SLCO1B3: variants seen among roughly 807,000 people sequenced by gnomAD.
SLCO1B3 encodes the protein liver-specific organic anion transporter 2.
Under a neutral mutation model 71.8 loss-of-function variants are expected in SLCO1B3, and 72 were observed. That is an observed-to-expected ratio of 1.00 (90% CI 0.83 to 1.22). The LOEUF (loss-of-function observed/expected upper bound fraction) is 1.22. Ranked by LOEUF, SLCO1B3 falls within the 50% of genes most tolerant of loss-of-function variation. The pLI is 0.00. For synonymous variants in SLCO1B3, 298 were observed against 278.4 expected (o/e 1.07, Z -0.70); for missense variants, 911 against 819.7 (o/e 1.11, Z -1.36).
At chr12:20,845,705 G>A (rs1864903071) in intron 3 of SLCO1B3, among the ~76,000 whole-genome samples, 1 of 152,152 alleles carries the variant, frequency 6.6e-6, no homozygotes, top group Non-Finnish European at 1.5e-5. Context: ...CAGTTCTTGG[G>A]TAGAATGTTC....
intron 3 of SLCO1B3, among the ~76,000 whole-genome samples, chr12:20,817,377 T>A (rs1430237401): frequency 6.6e-6 from 1 of 152,130 alleles, no homozygotes; most frequent in Admixed American, 6.5e-5. Context: ...TTTGATTTGT[T>A]TTTGTATATG....
At chr12:20,829,116 A>G (rs1864486958) in intron 3 of SLCO1B3, among the ~76,000 whole-genome samples, 1 of 152,202 alleles carries the variant, frequency 6.6e-6, no homozygotes, top group Non-Finnish European at 1.5e-5. Context: ...AACGGGAAAA[A>G]GACTGAAACA....
intron 13 of SLCO1B3, among the ~76,000 whole-genome samples, chr12:20,896,534 A>G (rs1253543054): frequency 1.3e-5 from 2 of 152,174 alleles, no homozygotes; most frequent in Admixed American, 6.5e-5. Context: ...CAAGTTCCTT[A>G]TCTCCATCTG....
rs76658007 is a variant in SLCO1B3, at chr12:20,848,463, T to C, written c.85-6565T>C. On this transcript the variant is annotated intron_variant, in intron 3 of 15. Transcript: ENST00000381545. ...ATCTAAAGACAGGCTTACTGTACAA[T>C]CCTGCAGTCATAGACCTTAGTATTT... 5.1e-4 allele frequency among the ~76,000 whole-genome samples: 78 copies of C among 152,282 alleles called. 1 individual carries two copies. The East Asian group carries it at 0.013, about 25-fold the overall frequency.
In SLCO1B3 at chr12:20,859,491, C is replaced by CCCAG. The variant is rs1865210531; in HGVS notation, c.359+922_359+923insAGCC. On this transcript the variant is annotated intron_variant, in intron 5 of 15. Coordinates refer to ENST00000381545, the MANE Select transcript of SLCO1B3 (RefSeq NM_019844.4). ...GTCACCATATGAATTCTGTTTTTTT[C>CCCAG]CCCCTCTACATTTGGCCCTTATAAG... 2.2e-5 allele frequency among the ~76,000 whole-genome samples: 3 copies of CCCAG among 137,780 alleles called. 1 individual carries two copies. In the South Asian group the frequency reaches 8.7e-4, roughly 40 times the overall value. The allele number at this position is 137,780 out of a possible 152,430, so 90.4% of individuals were successfully genotyped here.
At chr12:20,852,449 A>G (rs770768361) in intron 3 of SLCO1B3, among the ~76,000 whole-genome samples, 7 of 152,236 alleles carry the variant, frequency 4.6e-5, no homozygotes, top group Non-Finnish European at 7.3e-5. Context: ...ATTGTACTCC[A>G]GACTGGGCAA....
At chr12:20,863,194 G>C (rs972218262) in intron 8 of SLCO1B3, among the ~76,000 whole-genome samples, 8 of 152,082 alleles carry the variant, frequency 5.3e-5, no homozygotes, top group Admixed American at 3.3e-4. Flanking sequence ...TTGATGTGTA[G>C]AACTCAGATG....
At chr12:20,814,030 G>A (rs1157734755) in intron 2 of SLCO1B3, among the ~76,000 whole-genome samples, 1 of 151,932 alleles carries the variant, frequency 6.6e-6, no homozygotes, top group Non-Finnish European at 1.5e-5. Flanking sequence ...GTATCTATAT[G>A]AGCAGCTACA....
chr12:20,838,089 C>CT (rs540398027), intron 3 of SLCO1B3, among the ~76,000 whole-genome samples: 17 of 149,468 alleles, frequency 1.1e-4, no homozygotes, highest in South Asian at 4.3e-4. Context: ...CCCCTCCCAC[C>CT]TTTTTTTTTA....
chr12:20,820,188 G>A (rs1048515435), intron 3 of SLCO1B3, among the ~76,000 whole-genome samples: 1 of 152,068 alleles, frequency 6.6e-6, no homozygotes, highest in African/African-American at 2.4e-5. Context: ...GAAGGGGACG[G>A]ACTTACCCTC....
intron 8 of SLCO1B3, among the ~76,000 whole-genome samples, 182 bp from the exon 9 acceptor site, chr12:20,875,053 T>A (rs964438176): frequency 6.6e-6 from 1 of 152,186 alleles, no homozygotes; most frequent in Non-Finnish European, 1.5e-5. Context: ...TTGCAAGATG[T>A]CATCAACCTA....
chr12:20,899,696 C>G (rs1225101264), intron 14 of SLCO1B3, among the ~76,000 whole-genome samples: 2 of 152,128 alleles, frequency 1.3e-5, no homozygotes, highest in African/African-American at 4.8e-5. Flanking sequence ...GGAATCTGGG[C>G]CACAGAGGCT....
At chr12:20,907,392 C>T (rs1353157459) in intron 15 of SLCO1B3, among the ~76,000 whole-genome samples, 1 of 147,174 alleles carries the variant, frequency 6.8e-6, no homozygotes, top group Admixed American at 6.8e-5. Flanking sequence ...TTTCCTCCCT[C>T]CCTCCCCTTC....
At chr12:20,821,939 G>A (rs888819043) in intron 3 of SLCO1B3, among the ~76,000 whole-genome samples, 2 of 150,094 alleles carry the variant, frequency 1.3e-5, no homozygotes, top group African/African-American at 5.0e-5. Flanking sequence ...TTGAAATTAA[G>A]AGAAGGGAGA....
chr12:20,898,555 C>T lies in SLCO1B3; in HGVS notation c.1747+55C>T, dbSNP rs4149153. ...AACATATAAATATTAATGTTAAATA[C>T]TAAAGACTGAATGCAATTAATTTTC... On this transcript the variant is annotated intron_variant, in intron 14 of 15. Coordinates refer to ENST00000381545, the MANE Select transcript of SLCO1B3 (RefSeq NM_019844.4). 0.8 allele frequency: 654,587 copies of T among 819,426 alleles called. 265,730 individuals are homozygous for T. Among genetic ancestry groups the T allele is most frequent in the South Asian group, 0.91 (49,960 of 55,060 alleles). The allele number at this position is 819,426 out of a possible 1,614,324, so 50.8% of individuals were successfully genotyped here.
intron 5 of SLCO1B3, among the ~76,000 whole-genome samples, chr12:20,859,200 A>G (rs1188474920): frequency 5.9e-5 from 9 of 152,238 alleles, no homozygotes; most frequent in Admixed American, 5.9e-4. Flanking sequence ...GAACAAGAAC[A>G]AAGAGTGCAC....
At position 20,883,584 on chromosome 12, in the gene SLCO1B3, TTA is replaced by T; in HGVS notation, c.1666_1667del (p.Ile556LeufsTer10). ...TTCTCTGCAACAGGAGGTACCACAT[TTA>T]TCTTGTTGACTGTGAAGTAAGTATG... On this transcript the variant is annotated frameshift_variant, in exon 13 of 16. Transcript: ENST00000381545. LOFTEE classifies it high-confidence loss of function. 6.3e-7 allele frequency: 1 copy of T among 1,590,826 alleles called. No individual in the cohort carries two copies. Among genetic ancestry groups the T allele is most frequent in the Admixed American group, 1.8e-5 (1 of 55,204 alleles).
intron 3 of SLCO1B3, among the ~76,000 whole-genome samples, chr12:20,840,531 A>G (rs1250300566): frequency 1.3e-5 from 2 of 151,876 alleles, no homozygotes; most frequent in African/African-American, 4.8e-5. Flanking sequence ...CTGAGATTAC[A>G]GGCACTCAAC....
At chr12:20,812,035 G>A (rs1026261606) in intron 1 of SLCO1B3, among the ~76,000 whole-genome samples, 2 of 151,116 alleles carry the variant, frequency 1.3e-5, no homozygotes, top group African/African-American at 2.4e-5. Flanking sequence ...AGCTTCCAGA[G>A]TAGCTGAGAT....
Sources: allele counts gnomAD v4.1 joint callset (sites outside exome capture counted in the v4.1 genomes callset), GRCh38; gene constraint gnomAD v4.1.1; transcripts MANE v1.5; gene names NCBI Gene and HGNC (gene_info 2026-07-23, HGNC 2026-07-21).